Variants in PIGK observed in about 807,000 individuals in gnomAD.
PIGK encodes GPI-anchor transamidase.
Under a neutral mutation model 50.6 loss-of-function variants are expected in PIGK, and 42 were observed. That is an observed-to-expected ratio of 0.83 (90% CI 0.65 to 1.07). The LOEUF (loss-of-function observed/expected upper bound fraction) is 1.07, where lower values mean the gene tolerates loss of function less well. Ranked by LOEUF, PIGK falls within the 50% of genes least tolerant of loss-of-function variation. The pLI, the probability that PIGK is intolerant of heterozygous loss-of-function variation, is 0.00. For synonymous variants in PIGK, 151 were observed against 156.0 expected (o/e 0.97, Z 0.24); for missense variants, 448 against 488.7 (o/e 0.92, Z 0.78).
chr1:77,136,743 A>T (rs1460794440), intron 9 of PIGK, among the ~76,000 whole-genome samples: 3 of 152,072 alleles, frequency 2.0e-5, no homozygotes, highest in Non-Finnish European at 4.4e-5. Flanking sequence ...ATTATCTCTT[A>T]TATTGCCTTT....
intron 1 of PIGK, among the ~76,000 whole-genome samples, chr1:77,217,335 T>C (rs1040435395): frequency 6.6e-6 from 1 of 152,060 alleles, no homozygotes; most frequent in African/African-American, 2.4e-5. Flanking sequence ...ATCCAAAAGA[T>C]GAAGAAAAGA....
chr1:77,149,366 C>G (rs1425307674), intron 9 of PIGK, among the ~76,000 whole-genome samples: 1 of 151,922 alleles, frequency 6.6e-6, no homozygotes, highest in Admixed American at 6.6e-5. Context: ...AAACTCACTT[C>G]ACCTATAAAG....
At chr1:77,216,778 T>C (rs1656577315) in intron 1 of PIGK, among the ~76,000 whole-genome samples, 1 of 152,198 alleles carries the variant, frequency 6.6e-6, no homozygotes, top group African/African-American at 2.4e-5. Context: ...CGCAACTGGC[T>C]GTGAAATTGC....
chr1:77,106,980 T>G (rs1171526458), intron 10 of PIGK, among the ~76,000 whole-genome samples: 1 of 120,300 alleles, frequency 8.3e-6, no homozygotes, highest in Non-Finnish European at 1.7e-5. Context: ...CTTCTCTCTT[T>G]TCTTCTTTAT....
rs860827 is a variant in PIGK, at chr1:77,206,094, A to T, written c.239+546T>A. On this transcript the variant is annotated intron_variant, in intron 3 of 10. Transcript: ENST00000370812. ...AATTTTGGCAGCAGGAGGCAATAGC[A>T]ACATTAAGTTTCAAAAGGAAACAAA... Among the ~76,000 whole-genome samples the T allele has an allele frequency of 3.5e-3, 540 of 152,282 alleles. 2 individuals are homozygous for T. Among genetic ancestry groups the T allele is most frequent in the African/African-American group, 0.013 (524 of 41,556 alleles).
intron 10 of PIGK, among the ~76,000 whole-genome samples, chr1:77,101,155 T>G (rs1218217971): frequency 6.6e-6 from 1 of 152,110 alleles, no homozygotes; most frequent in Non-Finnish European, 1.5e-5. Context: ...TTACATCTGA[T>G]ACTAAAAAAA....
chr1:77,169,695 T>C (rs1397597158), intron 3 of PIGK, among the ~76,000 whole-genome samples: 1 of 152,204 alleles, frequency 6.6e-6, no homozygotes, highest in African/African-American at 2.4e-5. Flanking sequence ...CATAAACTTA[T>C]GAACAGAATT....
rs147477536 is a variant in PIGK, at chr1:77,154,846, C to T, written c.814-225G>A. The stretch of plus-strand genomic sequence containing the variant: ...GGACAGTAATAAAAAGGTAGCTGGC[C>T]ACTGTGGGAAAAGGCATACTCACTT... On this transcript the variant is annotated intron_variant, in intron 8 of 10. Transcript: ENST00000370812. Among the ~76,000 whole-genome samples the T allele has an allele frequency of 9.9e-5, 15 of 152,162 alleles. 1 individual carries two copies. In the East Asian group the frequency reaches 2.7e-3, roughly 27 times the overall value.
intron 1 of PIGK, among the ~76,000 whole-genome samples, chr1:77,214,688 A>C (rs1173421426): frequency 6.6e-6 from 1 of 152,152 alleles, no homozygotes; most frequent in Non-Finnish European, 1.5e-5. Flanking sequence ...AGGCATCCCA[A>C]CTGAAAAGGA....
At chr1:77,164,237 T>G (rs925834145) in intron 5 of PIGK, among the ~76,000 whole-genome samples, 1 of 152,162 alleles carries the variant, frequency 6.6e-6, no homozygotes, top group Non-Finnish European at 1.5e-5. Context: ...TGAGTTTCCA[T>G]TCACAAAATG....
At chr1:77,161,251 G>A in intron 8 of PIGK, 44 bp downstream of exon 8, 1 of 911,826 alleles carries the variant, frequency 1.1e-6, no homozygotes, top group Non-Finnish European at 1.8e-6. Flanking sequence ...TCACATTAAG[G>A]TTAGCATACC....
intron 3 of PIGK, among the ~76,000 whole-genome samples, chr1:77,200,004 C>T (rs1280816157): frequency 6.6e-6 from 1 of 152,048 alleles, no homozygotes; most frequent in Non-Finnish European, 1.5e-5. Context: ...CACAACAAAT[C>T]AACAAATGAA....
At chr1:77,135,135 T>C (rs1654470898) in intron 9 of PIGK, among the ~76,000 whole-genome samples, 1 of 152,122 alleles carries the variant, frequency 6.6e-6, no homozygotes, top group South Asian at 2.1e-4. Context: ...ATTATGTTGC[T>C]TACATTTTTA....
intron 10 of PIGK, among the ~76,000 whole-genome samples, chr1:77,119,984 TA>T (rs2100526875): frequency 6.6e-6 from 1 of 152,280 alleles, no homozygotes; most frequent in African/African-American, 2.4e-5. Context: ...AGAAAGATGA[TA>T]AAATAGGATA....
intron 1 of PIGK, among the ~76,000 whole-genome samples, chr1:77,219,044 T>A (rs1261302672): frequency 6.6e-6 from 1 of 152,190 alleles, no homozygotes; most frequent in Non-Finnish European, 1.5e-5. Context: ...CTTGCTCGTA[T>A]TTCACCTAAG....
intron 10 of PIGK, among the ~76,000 whole-genome samples, chr1:77,112,545 C>T (rs1653878410): frequency 4.6e-5 from 7 of 152,048 alleles, no homozygotes. Context: ...ATTTTCCTCA[C>T]TTTTTGCTTT....
chr1:77,163,890 G>A lies in PIGK; in HGVS notation c.540C>T (p.Asn180=), dbSNP rs775691464. ...GTTCAAAAGCATCCGCGAGTTCTAT[G>A]TTGGTAATTTCTTCAGAATCTTGAA... ...LKFQDSEEIT[N]IELADAFEQM... is the part of the protein sequence containing the mutation. The change falls in exon 6 of 11, where the codon AAC becomes AAT. Residue 180 remains asparagine (N), a synonymous_variant. Transcript: ENST00000370812. 1.2e-6 allele frequency: 2 copies of A among 1,609,558 alleles called. No homozygotes were observed.
At chr1:77,161,835 A>T (rs1655135532) in intron 6 of PIGK, 124 bp from the exon 7 acceptor site, 1 of 650,440 alleles carries the variant, frequency 1.5e-6, no homozygotes, top group African/African-American at 1.8e-5. Flanking sequence ...AAAAGTTTTC[A>T]GCAGAATTCC....
At chr1:77,201,395 T>A (rs1009614652) in intron 3 of PIGK, among the ~76,000 whole-genome samples, 1 of 152,150 alleles carries the variant, frequency 6.6e-6, no homozygotes, top group Admixed American at 6.5e-5. Flanking sequence ...TAGAAATAAA[T>A]CAATTGAAGT....
Sources: gnomAD v4.1 joint callset for allele counts (sites outside exome capture counted in the v4.1 genomes callset) on GRCh38, gnomAD v4.1.1 for gene constraint, MANE v1.5 for transcripts, NCBI Gene and HGNC (gene_info 2026-07-23, HGNC 2026-07-21) for gene names.